The following FAM181A variants were observed in gnomAD, a reference collection of about 807,000 sequenced individuals.
FAM181A encodes the protein family with sequence similarity 181 member A.
A neutral mutation model predicts 16.3 loss-of-function variants in FAM181A; 7 were observed. That is an observed-to-expected ratio of 0.43 (90% confidence interval 0.24 to 0.81). The LOEUF is 0.81. FAM181A is among the 30% of genes least tolerant of loss of function. The probability of loss-of-function intolerance (pLI) is 0.24; values close to 1 mark genes in which losing one functional copy is unlikely to be tolerated. For synonymous variants in FAM181A, 183 were observed against 164.9 expected, an observed-to-expected ratio of 1.11 and a Z score of -0.84; for missense variants, 349 against 377.5, an observed-to-expected ratio of 0.92 and a Z score of 0.63.
chr14:93,928,455 G>C lies in FAM181A; in HGVS notation c.170G>C (p.Arg57Pro). ...RFSQKYSRLPRGLPGRAAEPY... is the reference protein window; with the variant it reads ...RFSQKYSRLPPGLPGRAAEPY... ...TCCCAGAAGTATTCCCGGCTCCCGC[G>C]GGGCCTTCCTGGCAGAGCTGCTGAG... is the stretch of plus-strand genomic sequence containing the variant. Residue 57 changes from arginine (R) to proline (P), a missense_variant, in exon 2 of 2, where the codon CGG becomes CCG. Coordinates refer to ENST00000556222, the MANE Select transcript of FAM181A (RefSeq NM_001207073.2). 1 of 1,611,734 alleles carries C rather than the reference G, an allele frequency of 6.2e-7. No homozygotes were observed. Among genetic ancestry groups the C allele is most frequent in the Non-Finnish European group, 8.5e-7 (1 of 1,178,394 alleles).
chr14:93,928,677 G>A lies in FAM181A; in HGVS notation c.392G>A (p.Arg131Lys), dbSNP rs762945734. The change falls in exon 2 of 2, where the codon AGG (arginine) becomes AAG (lysine). Residue 131 changes from arginine (R) to lysine (K), a missense_variant. By Grantham distance (26) the Arg-to-Lys change is conservative. Transcript: ENST00000556222. ...EAAQPGQVPMRKRQLPASFWE... is the reference protein window; with the variant it reads ...EAAQPGQVPMKKRQLPASFWE... Reference sequence around the variant, plus strand: ...GCCCAGCCTGGCCAGGTGCCCATGAGGAAAAGACAGCTGCCCGCTTCCTTC... The same window carrying A: ...GCCCAGCCTGGCCAGGTGCCCATGAAGAAAAGACAGCTGCCCGCTTCCTTC... The A allele has an allele frequency of 6.2e-6, 10 of 1,614,000 alleles. No homozygotes were observed. The highest frequency in any genetic ancestry group is 1.7e-4 in the Middle Eastern group (1 of 6,060).
chr14:93,926,028 A>T (rs1887892840), upstream of FAM181A, among the ~76,000 whole-genome samples: 1 of 152,036 alleles, frequency 6.6e-6, no homozygotes, highest in African/African-American at 2.4e-5. The surrounding 1 kb of genome is among the most constrained non-coding windows in gnomAD (Gnocchi z 5.2). Flanking sequence ...CTAAGATGCC[A>T]AATCTTAGGT....
intron 1 of FAM181A, among the ~76,000 whole-genome samples, chr14:93,921,109 T>A (rs1268725538): frequency 6.6e-6 from 1 of 152,214 alleles, no homozygotes; most frequent in Non-Finnish European, 1.5e-5. Context: ...TACCCATGTG[T>A]GCAGCACAGA....
rs141462552 is a variant in FAM181A at position 93,929,043 on chromosome 14, C to T, written c.758C>T (p.Ala253Val). The part of the protein sequence containing the change: ...RKSPAFPGEL[A>V]HLCKDVDGLG... ...AGCCCAGCCTTTCCCGGGGAGCTGGCGCACCTCTGCAAGGATGTGGACGGC... is the reference window on the plus strand; with the variant it reads ...AGCCCAGCCTTTCCCGGGGAGCTGGTGCACCTCTGCAAGGATGTGGACGGC... The change falls in exon 2 of 2, where the codon GCG (alanine) becomes GTG (valine). Residue 253 changes from alanine to valine, a missense_variant. By Grantham distance (64) the Ala-to-Val change is moderately conservative (BLOSUM62 0). Transcript: ENST00000556222. 2.0e-5 allele frequency: 32 copies of T among 1,601,548 alleles called. No homozygotes were observed. Among genetic ancestry groups the T allele is most frequent in the African/African-American group, 1.5e-4 (11 of 74,702 alleles).
intron 1 of FAM181A, among the ~76,000 whole-genome samples, chr14:93,921,777 C>T (rs563441970): frequency 1.8e-3 from 266 of 151,960 alleles, no homozygotes; most frequent in African/African-American, 6.3e-3. Context: ...GGAGATGGGG[C>T]CCTCATATTG....
At chr14:93,925,684 C>T (rs113237674), upstream of FAM181A, among the ~76,000 whole-genome samples, 1,021 of 151,888 alleles carry the variant, frequency 6.7e-3, 13 homozygotes, top group African/African-American at 0.024. Flanking sequence ...TAGTGGCCAA[C>T]AATCTAGGAT....
chr14:93,928,258 G>C lies in FAM181A; in HGVS notation c.-28G>C, dbSNP rs1229447726. 6.2e-7 allele frequency: 1 copy of C among 1,613,700 alleles called. No homozygotes were observed. Among genetic ancestry groups the C allele is most frequent in the Non-Finnish European group, 8.5e-7 (1 of 1,180,026 alleles). ...ACCAGCAGAGCCTACCCTCTTCATG[G>C]AAAGCCTCGTGCAGTGGCCCCCTGG... On this transcript the variant is annotated 5_prime_UTR_variant, in exon 2 of 2. Transcript: ENST00000556222.
chr14:93,928,968 T>G lies in FAM181A; in HGVS notation c.683T>G (p.Leu228Arg). Residue 228 changes from leucine to arginine, a missense_variant, in exon 2 of 2, where the codon CTG (leucine) becomes CGG (arginine). Coordinates refer to ENST00000556222, the MANE Select transcript of FAM181A (RefSeq NM_001207073.2). Reference sequence around the variant, plus strand: ...GGACAGCCCATCTATCCGGGCCCCCTGGGGGCACTGCCTCAGAGTCCTGTC... The same window carrying G: ...GGACAGCCCATCTATCCGGGCCCCCGGGGGGCACTGCCTCAGAGTCCTGTC... ...YHGQPIYPGP[L>R]GALPQSPVPS... 1.2e-6 allele frequency: 2 copies of G among 1,613,780 alleles called. No individual in the cohort carries two copies. Among genetic ancestry groups the G allele is most frequent in the Non-Finnish European group, 1.7e-6 (2 of 1,179,914 alleles).
chr14:93,925,376 T>A (rs1567011258), upstream of FAM181A: 1 of 1,611,260 alleles, frequency 6.2e-7, no homozygotes, highest in South Asian at 1.1e-5. Context: ...AGCAGGTGGT[T>A]ACGTAGTCAG....
intron 1 of FAM181A, among the ~76,000 whole-genome samples, chr14:93,920,013 T>A (rs549998347): frequency 6.6e-6 from 1 of 151,046 alleles, no homozygotes; most frequent in African/African-American, 2.4e-5. Flanking sequence ...GAAATAAAAA[T>A]AAAAAATAAA....
chr14:93,924,940 G>A (rs149937597), upstream of FAM181A: 6 of 333,516 alleles, frequency 1.8e-5, no homozygotes, highest in East Asian at 8.8e-5. Context: ...TGTGGAATAC[G>A]GCTCTTGGCA....
chr14:93,920,040 G>T (rs190621303), intron 1 of FAM181A, among the ~76,000 whole-genome samples: 1 of 152,128 alleles, frequency 6.6e-6, no homozygotes, highest in Admixed American at 6.5e-5. Flanking sequence ...AAAAAGAGCT[G>T]GTTCTTTAAA....
At chr14:93,921,470 T>C (rs1288972176) in intron 1 of FAM181A, among the ~76,000 whole-genome samples, 1 of 152,140 alleles carries the variant, frequency 6.6e-6, no homozygotes, top group East Asian at 1.9e-4. Context: ...GCCAGAGGGG[T>C]TGGCTTTGAC....
upstream of FAM181A, among the ~76,000 whole-genome samples, chr14:93,924,735 C>T (rs1432584016): frequency 1.3e-5 from 2 of 152,212 alleles, no homozygotes; most frequent in Non-Finnish European, 2.9e-5. Flanking sequence ...CTCACGGGAG[C>T]TCCAGGAGGC....
In FAM181A at chr14:93,928,388, G is replaced by A. The variant is rs779986039; in HGVS notation, c.103G>A (p.Val35Met). 9.9e-6 allele frequency: 16 copies of A among 1,613,778 alleles called. No homozygotes were observed. Among genetic ancestry groups the A allele is most frequent in the African/African-American group, 2.7e-5 (2 of 74,944 alleles). ...TAAGTCCGCACCCTGCCGCCGCTCC[G>A]TGGACCATCGCAAGTACCTGCAGAA... ...LDKSAPCRRS[V>M]DHRKYLQKQL... Residue 35 changes from valine to methionine, a missense_variant, in exon 2 of 2, where the codon GTG (valine) becomes ATG (methionine). Physicochemically the swap from Val to Met is conservative, Grantham distance 21. Transcript: ENST00000556222.
At chr14:93,926,565 C>T (rs915474249), upstream of FAM181A, among the ~76,000 whole-genome samples, 23 of 152,334 alleles carry the variant, frequency 1.5e-4, no homozygotes, top group South Asian at 2.3e-3. The surrounding 1 kb of genome is among the most constrained non-coding windows in gnomAD (Gnocchi z 5.2). Context: ...GACCGTGCAA[C>T]GCCAACCTTT....
chr14:93,927,776 G>A (rs1426110862), intron 1 of FAM181A: 5 of 691,286 alleles, frequency 7.2e-6, no homozygotes. Flanking sequence ...GGAGGAAGGG[G>A]GCTTGGCCTT....
At position 93,928,370 on chromosome 14, in the gene FAM181A, G is replaced by A. The variant is rs761080089; in HGVS notation, c.85G>A (p.Ala29Thr). The change falls in exon 2 of 2, where the codon GCA (alanine) becomes ACA (threonine). Residue 29 changes from alanine to threonine, a missense_variant. Transcript: ENST00000556222. ...CATCAAGGCAGCCCTGGATAAGTCCGCACCCTGCCGCCGCTCCGTGGACCA... is the reference window on the plus strand; with the variant it reads ...CATCAAGGCAGCCCTGGATAAGTCCACACCCTGCCGCCGCTCCGTGGACCA... ...SDIKAALDKS[A>T]PCRRSVDHRK... is the part of the protein sequence containing the mutation. The A allele has an allele frequency of 6.8e-6, 11 of 1,613,756 alleles. No homozygotes were observed. The highest frequency in any genetic ancestry group is 5.5e-5 in the South Asian group (5 of 91,092).
At chr14:93,924,699 C>T (rs541902374), upstream of FAM181A, among the ~76,000 whole-genome samples, 11 of 152,284 alleles carry the variant, frequency 7.2e-5, no homozygotes, top group East Asian at 5.8e-4. Flanking sequence ...TCTTCCTGGC[C>T]GGCAGCGCTT....
Sources: gnomAD v4.1 joint callset for allele counts (sites outside exome capture counted in the v4.1 genomes callset) on GRCh38, gnomAD v4.1.1 for gene constraint, Gnocchi (gnomAD v3.1) non-coding constraint, MANE v1.5 for transcripts, NCBI Gene and HGNC (gene_info 2026-07-23, HGNC 2026-07-21) for gene names.